The following RANBP2 variants were observed in gnomAD, a reference collection of about 807,000 sequenced individuals.
RANBP2 encodes RAN binding protein 2.
Under a neutral mutation model 303.6 loss-of-function variants are expected in RANBP2, and 57 were observed. The observed-to-expected ratio is 0.19, with a 90% CI of 0.15 to 0.23. The LOEUF is 0.23. Ranked by LOEUF, RANBP2 falls within the 10% of genes least tolerant of loss-of-function variation. RANBP2 has a pLI of 1.00. For synonymous variants in RANBP2, 1,167 were observed against 1,301.5 expected (o/e 0.90, Z 2.23); for missense variants, 3,138 against 3,780.8 (o/e 0.83, Z 4.46).
At chr2:109,399,063 G>A in the RANBP2 span, 10 of 1,150,232 alleles carry the variant, frequency 8.7e-6, no homozygotes, top group Non-Finnish European at 1.2e-5. Context: ...CTGCCTTTTG[G>A]GGTTGAGTGG....
At chr2:109,425,745 T>C in the RANBP2 span, among the ~76,000 whole-genome samples, 1 of 152,340 alleles carries the variant, frequency 6.6e-6, no homozygotes, top group South Asian at 2.1e-4. Flanking sequence ...GCCAGTGTAC[T>C]TGGTTATTCA....
the RANBP2 span, among the ~76,000 whole-genome samples, chr2:108,891,452 C>T: frequency 6.6e-6 from 1 of 152,184 alleles, no homozygotes; most frequent in African/African-American, 2.4e-5. Flanking sequence ...TGGTGGCATC[C>T]ATGATTTCCC....
chr2:109,590,048 ATGTG>A, the RANBP2 span, among the ~76,000 whole-genome samples: 17 of 144,050 alleles, frequency 1.2e-4, no homozygotes, highest in African/African-American at 2.4e-4. Flanking sequence ...ACACATATAT[ATGTG>A]TGTGTATATA....
the RANBP2 span, among the ~76,000 whole-genome samples, chr2:109,536,161 G>C: frequency 6.6e-6 from 1 of 152,080 alleles, no homozygotes; most frequent in East Asian, 1.9e-4. Context: ...GGAGCTGTGA[G>C]AAAAGGACCA....
the RANBP2 span, among the ~76,000 whole-genome samples, chr2:109,209,892 A>G: frequency 3.3e-5 from 5 of 152,160 alleles, no homozygotes; most frequent in Non-Finnish European, 2.9e-5. Context: ...GGCATTAAGT[A>G]CGTCCCCCCT....
the RANBP2 span, among the ~76,000 whole-genome samples, chr2:108,869,924 A>G: frequency 6.6e-6 from 1 of 152,224 alleles, no homozygotes; most frequent in East Asian, 1.9e-4. Flanking sequence ...GCTCATCCAA[A>G]GGAACAAAAT....
At chr2:109,090,651 T>C in the RANBP2 span, among the ~76,000 whole-genome samples, 1 of 152,206 alleles carries the variant, frequency 6.6e-6, no homozygotes, top group African/African-American at 2.4e-5. Context: ...ATTTATTTAA[T>C]TAGTTGCTTT....
chr2:109,026,511 T>A, the RANBP2 span, among the ~76,000 whole-genome samples: 2 of 152,188 alleles, frequency 1.3e-5, no homozygotes, highest in African/African-American at 4.8e-5. Context: ...CCCTCTTCCC[T>A]CTGAAGCAAG....
At chr2:109,589,104 T>C in the RANBP2 span, among the ~76,000 whole-genome samples, 4 of 150,376 alleles carry the variant, frequency 2.7e-5, no homozygotes, top group Non-Finnish European at 5.9e-5. Context: ...TTTTTGTGGT[T>C]TTTTTGTTTG....
the RANBP2 span, among the ~76,000 whole-genome samples, chr2:109,261,854 C>CT: frequency 4.7e-4 from 70 of 149,582 alleles, no homozygotes; most frequent in Middle Eastern, 3.5e-3. Context: ...TGAGGCTTGC[C>CT]TTTTTTTTTT....
At chr2:109,722,043 G>A in the RANBP2 span, among the ~76,000 whole-genome samples, 1 of 152,238 alleles carries the variant, frequency 6.6e-6, no homozygotes, top group Non-Finnish European at 1.5e-5. Context: ...GAGCTTTAGT[G>A]AGGCATGTGT....
At chr2:109,395,292 C>T in the RANBP2 span, among the ~76,000 whole-genome samples, 821 of 152,342 alleles carry the variant, frequency 5.4e-3, 7 homozygotes, top group African/African-American at 0.019. Context: ...TTAGTCCACT[C>T]TGGGCTTTCA....
chr2:109,025,191 C>T, the RANBP2 span, among the ~76,000 whole-genome samples: 1 of 152,176 alleles, frequency 6.6e-6, no homozygotes, highest in African/African-American at 2.4e-5. Context: ...ATTAGAATTT[C>T]CTTCCTTTTT....
chr2:109,007,331 C>T, the RANBP2 span, among the ~76,000 whole-genome samples: 1 of 152,230 alleles, frequency 6.6e-6, no homozygotes. Context: ...ATTGGGAACA[C>T]ACCTCCATCA....
chr2:109,567,149 T>TA, the RANBP2 span, among the ~76,000 whole-genome samples: 1 of 152,178 alleles, frequency 6.6e-6, no homozygotes, highest in East Asian at 1.9e-4. Context: ...TGACATCATT[T>TA]ATCCCTCACA....
the RANBP2 span, chr2:109,732,973 A>G: frequency 1.1e-4 from 68 of 608,404 alleles, no homozygotes; most frequent in Non-Finnish European, 1.6e-4. Context: ...ATCATGGCCC[A>G]CCTCCCTCTT....
At chr2:109,545,760 C>G in the RANBP2 span, 1 of 1,426,402 alleles carries the variant, frequency 7.0e-7, no homozygotes, top group Non-Finnish European at 9.1e-7. Context: ...TAAGAGCAGC[C>G]ATTTTCCCCC....
the RANBP2 span, among the ~76,000 whole-genome samples, chr2:109,635,327 T>C: frequency 3.9e-5 from 6 of 152,130 alleles, no homozygotes; most frequent in Non-Finnish European, 5.9e-5. Flanking sequence ...GGATTACAGG[T>C]GCATGCCACA....
chr2:109,360,122 AG>A, the RANBP2 span, among the ~76,000 whole-genome samples: 26 of 151,908 alleles, frequency 1.7e-4, no homozygotes, highest in Middle Eastern at 3.5e-3. Context: ...CATCATAGGT[AG>A]AGACTGAAAG....
Sources: allele counts gnomAD v4.1 joint callset (sites outside exome capture counted in the v4.1 genomes callset), GRCh38; gene constraint gnomAD v4.1.1; transcripts MANE v1.5; gene names NCBI Gene and HGNC (gene_info 2026-07-23, HGNC 2026-07-21).